The following VCPKMT variants were observed in gnomAD, a reference collection of about 807,000 sequenced individuals.
VCPKMT encodes valosin containing protein lysine methyltransferase.
VCPKMT carries 32 observed loss-of-function variants against 28.6 expected under a neutral mutation model. The observed-to-expected ratio is 1.12, with a 90% CI of 0.84 to 1.50. VCPKMT has a LOEUF of 1.50. Among genes scored for constraint, VCPKMT ranks in the 40% most tolerant of loss-of-function variants. The pLI, the probability that VCPKMT is intolerant of heterozygous loss-of-function variation, is 0.00. For synonymous variants in VCPKMT, 138 were observed against 111.4 expected (o/e 1.24, Z -1.50); for missense variants, 366 against 285.0 (o/e 1.28, Z -2.05).
chr14:50,107,556 C>G (rs527400164), downstream of VCPKMT, among the ~76,000 whole-genome samples: 2 of 152,174 alleles, frequency 1.3e-5, no homozygotes, highest in African/African-American at 4.8e-5. Flanking sequence ...TCAGGAGATC[C>G]GTCTGCCTCG....
At position 50,115,855 on chromosome 14, in the gene VCPKMT, C is replaced by A. The variant is rs1414188877; in HGVS notation, c.434G>T (p.Cys145Phe). The A allele has an allele frequency of 1.2e-6, 2 of 1,612,708 alleles. No individual in the cohort carries two copies. The highest frequency in any genetic ancestry group is 8.5e-7 in the Non-Finnish European group (1 of 1,178,808). The part of the protein sequence containing the change: ...SPPDFILMAD[C>F]IYYEESLEPL... ...GATACTTACCTCTTCATAGTATATG[C>A]AGTCGGCCATCAGTATGAAGTCGGG... The change falls in exon 3 of 6, where the codon TGC becomes TTC. Residue 145 changes from cysteine (C) to phenylalanine (F), a missense_variant. Transcript: ENST00000395860.
intron 4 of VCPKMT, chr14:50,113,443 T>C (rs1044932388): frequency 9.2e-5 from 14 of 152,250 alleles, no homozygotes; most frequent in African/African-American, 3.4e-4. Context: ...CAGGCCTATA[T>C]AGATGTACCC....
At chr14:50,112,390 TACG>T (rs1882737027) in intron 5 of VCPKMT, among the ~76,000 whole-genome samples, 2 of 1,588 alleles carry the variant, frequency 1.3e-3, no homozygotes, top group Non-Finnish European at 2.8e-3. Flanking sequence ...ACTTAAAAAA[TACG>T]AGAAAAAAAA....
At chr14:50,104,566 C>G (rs550116789), downstream of VCPKMT, among the ~76,000 whole-genome samples, 7 of 152,094 alleles carry the variant, frequency 4.6e-5, no homozygotes, top group Admixed American at 3.9e-4. Context: ...AAAACTCTTT[C>G]AAATCCTGAT....
At chr14:50,107,314 T>G (rs960083553), downstream of VCPKMT, among the ~76,000 whole-genome samples, 2 of 151,536 alleles carry the variant, frequency 1.3e-5, no homozygotes, top group Admixed American at 6.6e-5. Flanking sequence ...AGATATCCTA[T>G]TTGACTTTTT....
downstream of VCPKMT, among the ~76,000 whole-genome samples, chr14:50,108,358 A>AT (rs1332416003): frequency 6.6e-6 from 1 of 152,206 alleles, no homozygotes; most frequent in Non-Finnish European, 1.5e-5. Context: ...GACATCATTA[A>AT]TAACAGCTAG....
rs760618879 is a variant in VCPKMT at position 50,116,232 on chromosome 14, C to T, written c.267-53G>A. Reference sequence around the variant, plus strand: ...GGCACAGGGGGGAAAGCCTGTAATCCGGATTTCCCCAGCAAGAAGGCGCCC... The same window carrying T: ...GGCACAGGGGGGAAAGCCTGTAATCTGGATTTCCCCAGCAAGAAGGCGCCC... On this transcript the variant is annotated intron_variant, in intron 1 of 5. Coordinates refer to ENST00000395860, the MANE Select transcript of VCPKMT (RefSeq NM_024558.3). 20 of 1,611,710 alleles carry T rather than the reference C, an allele frequency of 1.2e-5. No individual in the cohort carries two copies. The South Asian group carries it at 2.2e-4, about 18-fold the overall frequency.
chr14:50,112,395 G>GAA (rs59968443), intron 5 of VCPKMT, among the ~76,000 whole-genome samples: 25 of 11,954 alleles, frequency 2.1e-3, no homozygotes, highest in Admixed American at 2.9e-3. Context: ...AAAAATACGA[G>GAA]AAAAAAAAAA....
chr14:50,112,312 G>A (rs1015054894), intron 5 of VCPKMT, among the ~76,000 whole-genome samples: 10 of 148,494 alleles, frequency 6.7e-5, no homozygotes, highest in Admixed American at 2.1e-4. Flanking sequence ...TTGGGAGGCC[G>A]AAGTGGGCGG....
the VCPKMT span, among the ~76,000 whole-genome samples, chr14:50,103,530 C>A: frequency 6.6e-6 from 1 of 152,058 alleles, no homozygotes; most frequent in Non-Finnish European, 1.5e-5. Context: ...GGGTCCAGGG[C>A]GGTGGAATGT....
chr14:50,108,937 A>G lies in VCPKMT; in HGVS notation c.*762T>C. 1 of 985,464 alleles carries G rather than the reference A, an allele frequency of 1.0e-6. No individual in the cohort carries two copies. Among genetic ancestry groups the G allele is most frequent in the Non-Finnish European group, 1.2e-6 (1 of 829,924 alleles). 61.0% of individuals were successfully genotyped at this position (985,464 alleles called of 1,614,324 possible). ...CTGGAACATATACATAAAGTGCATG[A>G]GCCACGTAAGTGCATAAGCCTGAAA... On this transcript the variant is annotated 3_prime_UTR_variant, in exon 6 of 6. Transcript: ENST00000395860.
chr14:50,116,161 G>A lies in VCPKMT; in HGVS notation c.285C>T (p.Thr95=), dbSNP rs11541136. ...AATLGADVVV[T]DLEELQDLLK... ...GCAAGTCTTGCAATTCCTCAAGATC[G>A]GTGACTACAACATCAGCCCTATAAA... Residue 95 remains threonine (T), a synonymous_variant, in exon 2 of 6, where the codon ACC becomes ACT. Coordinates refer to ENST00000395860, the MANE Select transcript of VCPKMT (RefSeq NM_024558.3). 6.2e-7 allele frequency: 1 copy of A among 1,613,978 alleles called. No individual in the cohort carries two copies. The highest frequency in any genetic ancestry group is 1.1e-5 in the South Asian group (1 of 91,072).
intron 5 of VCPKMT, chr14:50,111,778 C>G: frequency 1.6e-6 from 1 of 634,402 alleles, no homozygotes; most frequent in Non-Finnish European, 2.0e-6. Flanking sequence ...CCCAGGTACT[C>G]AGGAGGCTGA....
At position 50,109,451 on chromosome 14, in the gene VCPKMT, TAAG is replaced by T. The variant is rs1410676591; in HGVS notation, c.*245_*247del. 9 of 1,215,958 alleles carry T rather than the reference TAAG, an allele frequency of 7.4e-6. No homozygotes were observed. Among genetic ancestry groups the T allele is most frequent in the Admixed American group, 4.4e-5 (1 of 22,818 alleles). 75.3% of individuals were successfully genotyped at this position (1,215,958 alleles called of 1,614,324 possible). ...ATTTGAATAACTGATTCCCAACATT[TAAG>T]AAGAACTTGATGCTGAACTAAGTAA... On this transcript the variant is annotated 3_prime_UTR_variant, in exon 6 of 6. Coordinates refer to ENST00000395860, the MANE Select transcript of VCPKMT (RefSeq NM_024558.3).
chr14:50,107,739 AG>A (rs1434525148), downstream of VCPKMT, among the ~76,000 whole-genome samples: 1 of 152,242 alleles, frequency 6.6e-6, no homozygotes, highest in Non-Finnish European at 1.5e-5. Context: ...GAGGAAGTCA[AG>A]CAAGAGTGTG....
At chr14:50,107,766 C>T (rs554346546), downstream of VCPKMT, among the ~76,000 whole-genome samples, 41 of 152,230 alleles carry the variant, frequency 2.7e-4, 1 homozygote, top group Admixed American at 2.4e-3. Context: ...GGCAAAGCTG[C>T]ACAGAGGCCG....
Position 50,114,335 on chromosome 14 carries a change from C to A in VCPKMT, c.520G>T (p.Glu174Ter). ...GFETCIICCY[E>*]QRTMGKNPEI... The stretch of plus-strand genomic sequence containing the variant: ...GGATTTTTCCCCATTGTTCGTTGTT[C>A]ATAACAACATATAATACAAGTTTCA... Residue 174 changes from glutamate to a stop codon, truncating the protein, a stop_gained, in exon 4 of 6, where the codon GAA becomes TAA. Coordinates refer to ENST00000395860, the MANE Select transcript of VCPKMT (RefSeq NM_024558.3). LOFTEE classifies it high-confidence loss of function. The A allele has an allele frequency of 1.3e-6, 2 of 1,594,010 alleles. No individual in the cohort carries two copies. Among genetic ancestry groups the A allele is most frequent in the Admixed American group, 1.7e-5 (1 of 57,180 alleles).
chr14:50,105,807 C>G (rs1297288737), downstream of VCPKMT, among the ~76,000 whole-genome samples: 1 of 152,172 alleles, frequency 6.6e-6, no homozygotes, highest in African/African-American at 2.4e-5. Context: ...ACTGGACCTG[C>G]AACAATTTTT....
intron 2 of VCPKMT, 51 bp from the exon 3 acceptor site, chr14:50,115,962 C>A (rs778928840): frequency 3.2e-5 from 52 of 1,601,402 alleles, no homozygotes; most frequent in Non-Finnish European, 4.2e-5. Flanking sequence ...TCAAAATACT[C>A]TTGTTTTATA....
Sources: allele counts gnomAD v4.1 joint callset (sites outside exome capture counted in the v4.1 genomes callset), GRCh38; gene constraint gnomAD v4.1.1; transcripts MANE v1.5; gene names NCBI Gene and HGNC (gene_info 2026-07-23, HGNC 2026-07-21).